The following COL21A1 variants were observed in gnomAD, a reference collection of about 807,000 sequenced individuals.
COL21A1 encodes collagen type XXI alpha 1 chain.
Under a neutral mutation model 137.9 loss-of-function variants are expected in COL21A1, and 149 were observed. The observed-to-expected ratio is 1.08, with a 90% CI of 0.95 to 1.24. COL21A1 has a LOEUF of 1.24. Ranked by LOEUF, COL21A1 falls within the 50% of genes most tolerant of loss-of-function variation. The pLI is 0.00. For missense variants in COL21A1, 1,167 were observed against 1,158.4 expected (o/e 1.01, Z -0.11); for synonymous variants, 456 against 391.5 (o/e 1.16, Z -1.95).
intron 12 of COL21A1, among the ~76,000 whole-genome samples, chr6:56,136,605 T>C (rs923283317): frequency 1.3e-5 from 2 of 152,114 alleles, no homozygotes; most frequent in Non-Finnish European, 2.9e-5. Context: ...TCTAGAGTCA[T>C]AGTCTTCAGT....
upstream of COL21A1, among the ~76,000 whole-genome samples, chr6:56,250,914 T>C (rs1782839000): frequency 6.6e-6 from 1 of 152,206 alleles, no homozygotes; most frequent in South Asian, 2.1e-4. Flanking sequence ...GGAAAAAGAA[T>C]ATACTTGCCA....
intron 1 of COL21A1, among the ~76,000 whole-genome samples, chr6:56,322,904 C>CAAAAAAAA (rs1764906467): frequency 9.8e-6 from 1 of 101,972 alleles, no homozygotes; most frequent in Admixed American, 9.4e-5. Flanking sequence ...AAAAAAAAGT[C>CAAAAAAAA]AAGTCATCAA....
chr6:56,203,685 G>A (rs554192169), intron 1 of COL21A1, among the ~76,000 whole-genome samples: 1 of 152,230 alleles, frequency 6.6e-6, no homozygotes, highest in Non-Finnish European at 1.5e-5. Context: ...CAAGATGGCC[G>A]AATAGGAACA....
chr6:56,330,998 G>A (rs889814079), intron 1 of COL21A1, among the ~76,000 whole-genome samples: 1 of 152,074 alleles, frequency 6.6e-6, no homozygotes, highest in South Asian at 2.1e-4. Flanking sequence ...TCTGAATTGT[G>A]TAGGATGGTA....
chr6:56,098,603 AT>A lies in COL21A1; in HGVS notation c.1812+2868del, dbSNP rs1164574259. ...TATATATAAATATATAAATATATAT[AT>A]AAATATATATAAATATATATAAATA... On this transcript the variant is annotated intron_variant, in intron 17 of 29. Coordinates refer to ENST00000244728, the MANE Select transcript of COL21A1 (RefSeq NM_030820.4). Among the ~76,000 whole-genome samples the A allele has an allele frequency of 3.5e-3, 81 of 23,324 alleles. 1 individual carries two copies. Among genetic ancestry groups the A allele is most frequent in the African/African-American group, 0.014 (65 of 4,710 alleles). 15.3% of individuals were successfully genotyped at this position (23,324 alleles called of 152,430 possible).
At chr6:56,077,738 T>G in intron 17 of COL21A1, 165 bp from the exon 18 acceptor site, 1 of 546,950 alleles carries the variant, frequency 1.8e-6, no homozygotes, top group Non-Finnish European at 3.2e-6. Context: ...AAAGACAACT[T>G]AGGAGATATA....
At chr6:56,095,786 C>T (rs1769259924) in intron 17 of COL21A1, among the ~76,000 whole-genome samples, 2 of 152,128 alleles carry the variant, frequency 1.3e-5, no homozygotes, top group South Asian at 4.1e-4. Flanking sequence ...TTTAAGAAGC[C>T]ATCCCTATGC....
chr6:56,283,448 C>CAAAAGCATACTT (rs1412762852), intron 1 of COL21A1, among the ~76,000 whole-genome samples: 3 of 152,100 alleles, frequency 2.0e-5, no homozygotes, highest in African/African-American at 7.2e-5. Context: ...AGGCACGGAA[C>CAAAAGCATACTT]AAAAGCATAC....
chr6:56,075,775 G>A (rs1166686532), intron 18 of COL21A1, among the ~76,000 whole-genome samples: 1 of 151,372 alleles, frequency 6.6e-6, no homozygotes, highest in African/African-American at 2.4e-5. Flanking sequence ...TTCAAAGGAA[G>A]ACCTAGTAGC....
At chr6:56,351,409 T>G (rs544003065) in intron 1 of COL21A1, among the ~76,000 whole-genome samples, 77 of 152,314 alleles carry the variant, frequency 5.1e-4, no homozygotes, top group African/African-American at 1.8e-3. Flanking sequence ...CCCTGTCACA[T>G]GTAACTGCAC....
intron 12 of COL21A1, among the ~76,000 whole-genome samples, chr6:56,136,376 T>C (rs1330734031): frequency 6.6e-6 from 1 of 152,204 alleles, no homozygotes. Flanking sequence ...AATGTTTTCA[T>C]TTCCCAAAAC....
chr6:56,199,292 G>GT (rs75318072), intron 1 of COL21A1, among the ~76,000 whole-genome samples: 114 of 148,336 alleles, frequency 7.7e-4, no homozygotes, highest in East Asian at 2.0e-3. Context: ...ATGGAATTCT[G>GT]TTTTTTTTTT....
intron 16 of COL21A1, among the ~76,000 whole-genome samples, chr6:56,102,091 A>G (rs12193911): frequency 0.15 from 23,031 of 152,050 alleles, 1,750 homozygotes; most frequent in Middle Eastern, 0.22. Flanking sequence ...ATACCTTTAC[A>G]TTACTATGCT....
chr6:56,213,145 A>T (rs972573978), intron 1 of COL21A1, among the ~76,000 whole-genome samples: 1 of 152,146 alleles, frequency 6.6e-6, no homozygotes, highest in Non-Finnish European at 1.5e-5. Context: ...TTTCTACAAC[A>T]AAAGTATCTG....
intron 5 of COL21A1, among the ~76,000 whole-genome samples, chr6:56,168,968 C>T (rs949363859): frequency 6.6e-6 from 1 of 151,916 alleles, no homozygotes; most frequent in Non-Finnish European, 1.5e-5. Flanking sequence ...TCACAATTAG[C>T]CCAACAACGT....
chr6:56,373,690 T>C (rs2093994142), intron 1 of COL21A1, among the ~76,000 whole-genome samples: 1 of 152,234 alleles, frequency 6.6e-6, no homozygotes, highest in Admixed American at 6.5e-5. Context: ...GTATACATAG[T>C]GGAATGACTA....
At chr6:56,299,312 A>G (rs1582764684) in intron 1 of COL21A1, among the ~76,000 whole-genome samples, 1 of 152,314 alleles carries the variant, frequency 6.6e-6, no homozygotes, top group Admixed American at 6.6e-5. Flanking sequence ...TTCAAATGCC[A>G]AATTGGATTT....
At chr6:56,066,622 C>T (rs180942301) in intron 23 of COL21A1, among the ~76,000 whole-genome samples, 259 of 151,778 alleles carry the variant, frequency 1.7e-3, no homozygotes, top group Non-Finnish European at 3.2e-3. Flanking sequence ...TATAATTTAT[C>T]CCAGATAACT....
At chr6:56,106,548 AAAG>A (rs2152178199) in intron 16 of COL21A1, among the ~76,000 whole-genome samples, 1 of 152,336 alleles carries the variant, frequency 6.6e-6, no homozygotes, top group East Asian at 1.9e-4. Flanking sequence ...ATTATACATA[AAAG>A]AAGAGAGAAT....
Sources: allele counts gnomAD v4.1 joint callset (sites outside exome capture counted in the v4.1 genomes callset), GRCh38; gene constraint gnomAD v4.1.1; transcripts MANE v1.5; gene names NCBI Gene and HGNC (gene_info 2026-07-23, HGNC 2026-07-21).